Variants in NR5A2 observed in about 807,000 individuals in gnomAD.
The protein encoded by NR5A2 is CYP7A promoter-binding factor.
NR5A2 carries 26 observed loss-of-function variants against 62.7 expected under a neutral mutation model. The ratio of observed to expected loss-of-function variants is 0.41; its 90% confidence interval spans 0.30 to 0.58. NR5A2 has a LOEUF of 0.58. Among genes scored for constraint, NR5A2 ranks in the 20% least tolerant of loss-of-function variants. The probability of loss-of-function intolerance (pLI) is 0.22; values close to 1 mark genes in which losing one functional copy is unlikely to be tolerated. For synonymous variants in NR5A2, 246 were observed against 241.7 expected (o/e 1.02, Z -0.16); for missense variants, 541 against 669.1 (o/e 0.81, Z 2.11).
chr1:200,163,518 G>C (rs1223550741), intron 7 of NR5A2, among the ~76,000 whole-genome samples: 1 of 150,082 alleles, frequency 6.7e-6, no homozygotes, highest in Non-Finnish European at 1.5e-5. Context: ...ATCTCACTCT[G>C]TTTCCCAGGC....
At chr1:200,079,925 A>T (rs533810851) in intron 5 of NR5A2, among the ~76,000 whole-genome samples, 1 of 152,240 alleles carries the variant, frequency 6.6e-6, no homozygotes, top group South Asian at 2.1e-4. Context: ...TCATTTTGGG[A>T]AGACAGGCTC....
chr1:200,037,078 G>A (rs948138250), intron 1 of NR5A2, among the ~76,000 whole-genome samples: 2 of 152,130 alleles, frequency 1.3e-5, no homozygotes, highest in African/African-American at 4.8e-5. Flanking sequence ...TCCATCTTTC[G>A]GGGATGTGGT....
At chr1:200,168,179 G>A (rs532468337) in intron 7 of NR5A2, among the ~76,000 whole-genome samples, 1 of 149,790 alleles carries the variant, frequency 6.7e-6, no homozygotes, top group East Asian at 1.9e-4. Context: ...TTATTTCTGT[G>A]TACATATATA....
chr1:200,120,763 A>G (rs1490203876), intron 6 of NR5A2, 45 bp from the exon 7 acceptor site: 1 of 1,499,658 alleles, frequency 6.7e-7, no homozygotes, highest in Non-Finnish European at 8.9e-7. Flanking sequence ...TGAAATACAT[A>G]TTGCTGATTC....
intron 3 of NR5A2, chr1:200,044,220 G>A (rs1662255280): frequency 1.2e-5 from 2 of 170,714 alleles, no homozygotes; most frequent in Admixed American, 6.3e-5. Context: ...TTAAAGCATC[G>A]TTGTTCTTGA....
intron 5 of NR5A2, 36 bp from the exon 6 acceptor site, chr1:200,111,163 TTTG>T (rs1665922857): frequency 6.3e-7 from 1 of 1,599,530 alleles, no homozygotes; most frequent in South Asian, 1.1e-5. Flanking sequence ...AGTGTCATTT[TTTG>T]TTTTTTTTGT....
intron 7 of NR5A2, among the ~76,000 whole-genome samples, chr1:200,155,531 C>T (rs1439115482): frequency 6.6e-6 from 1 of 152,212 alleles, no homozygotes; most frequent in Non-Finnish European, 1.5e-5. Context: ...GTTGTAAAGT[C>T]ATCATTGGCT....
At chr1:200,103,957 G>A (rs957673874) in intron 5 of NR5A2, among the ~76,000 whole-genome samples, 1 of 152,002 alleles carries the variant, frequency 6.6e-6, no homozygotes, top group South Asian at 2.1e-4. Context: ...ACTATTGGGC[G>A]TGACGTACAT....
chr1:200,081,063 T>G (rs1437359417), intron 5 of NR5A2, among the ~76,000 whole-genome samples: 1 of 152,204 alleles, frequency 6.6e-6, no homozygotes, highest in Non-Finnish European at 1.5e-5. Context: ...AGAGGAAAGA[T>G]TCAGAATCAC....
intron 1 of NR5A2, among the ~76,000 whole-genome samples, chr1:200,036,382 C>G (rs2102139121): frequency 6.6e-6 from 1 of 152,304 alleles, no homozygotes; most frequent in South Asian, 2.1e-4. Flanking sequence ...ACAGGGGTCC[C>G]TTGCCCAGCA....
chr1:200,057,747 C>G (rs575718921), intron 5 of NR5A2: 1 of 247,936 alleles, frequency 4.0e-6, no homozygotes, highest in South Asian at 3.7e-5. Flanking sequence ...TCCCAAAGTG[C>G]TGGGATTATG....
At chr1:200,074,223 GT>G (rs894068791) in intron 5 of NR5A2, among the ~76,000 whole-genome samples, 3 of 151,940 alleles carry the variant, frequency 2.0e-5, no homozygotes, top group East Asian at 1.9e-4. Flanking sequence ...GTTTATTAAT[GT>G]TTTTTTCTTT....
intron 5 of NR5A2, among the ~76,000 whole-genome samples, chr1:200,066,527 C>G (rs1663475778): frequency 6.6e-6 from 1 of 151,570 alleles, no homozygotes; most frequent in Non-Finnish European, 1.5e-5. Context: ...AAGCTCTTCC[C>G]AAAGATTTCT....
At chr1:200,052,015 A>T (rs1466348281) in intron 5 of NR5A2, among the ~76,000 whole-genome samples, 1 of 152,188 alleles carries the variant, frequency 6.6e-6, no homozygotes, top group Non-Finnish European at 1.5e-5. Flanking sequence ...ACGCACTCTG[A>T]TATTTTCTAT....
chr1:200,150,986 G>A (rs1287506074), intron 7 of NR5A2, among the ~76,000 whole-genome samples: 16 of 152,152 alleles, frequency 1.1e-4, no homozygotes, highest in Admixed American at 1.0e-3. Flanking sequence ...TTTTTGGTTG[G>A]TTCATTTGTT....
intron 7 of NR5A2, chr1:200,148,160 G>T: frequency 5.4e-6 from 2 of 372,460 alleles, no homozygotes; most frequent in South Asian, 1.7e-4. Context: ...CCAAGAGGAA[G>T]ACCAGATTGT....
rs149312509 is a variant in NR5A2 at position 200,106,786 on chromosome 1, T to C, written c.1111-4416T>C. Among the ~76,000 whole-genome samples the C allele has an allele frequency of 3.8e-4, 58 of 152,294 alleles. 1 individual carries two copies. In the East Asian group the frequency reaches 5.4e-3, roughly 14 times the overall value. On this transcript the variant is annotated intron_variant, in intron 5 of 7. Transcript: ENST00000367362. ...CTTAAAAAACAAAAAATCTTCAAAA[T>C]TGTCAACATTGCTCAATTGTTGAGA...
intron 7 of NR5A2, among the ~76,000 whole-genome samples, chr1:200,160,300 A>G (rs1653585251): frequency 6.6e-6 from 1 of 152,228 alleles, no homozygotes; most frequent in Non-Finnish European, 1.5e-5. Flanking sequence ...CTTCTAGTCT[A>G]ATGCTCTGAC....
chr1:200,118,624 C>T (rs999116903), intron 6 of NR5A2, among the ~76,000 whole-genome samples: 1 of 152,240 alleles, frequency 6.6e-6, no homozygotes, highest in Non-Finnish European at 1.5e-5. Context: ...CCTTCCTGCT[C>T]TCATTCACTC....
Sources: gnomAD v4.1 joint callset for allele counts (sites outside exome capture counted in the v4.1 genomes callset) on GRCh38, gnomAD v4.1.1 for gene constraint, MANE v1.5 for transcripts, NCBI Gene and HGNC (gene_info 2026-07-23, HGNC 2026-07-21) for gene names.